PUM2: variants seen among roughly 807,000 people sequenced by gnomAD.
PUM2 encodes the protein pumilio homolog 2.
In PUM2, 57 loss-of-function variants were observed where a neutral mutation model predicts 124.5. That is an observed-to-expected ratio of 0.46 (90% confidence interval 0.37 to 0.57). The LOEUF (loss-of-function observed/expected upper bound fraction) is 0.57. Among genes scored for constraint, PUM2 ranks in the 20% least tolerant of loss-of-function variants. The pLI, the probability that PUM2 is intolerant of heterozygous loss-of-function variation, is 0.00. For synonymous variants in PUM2, 460 were observed against 446.1 expected (o/e 1.03, Z -0.39); for missense variants, 1,065 against 1,290.6 (o/e 0.83, Z 2.68).
chr2:20,290,427 C>T (rs1673753122), intron 10 of PUM2, among the ~76,000 whole-genome samples: 1 of 150,188 alleles, frequency 6.7e-6, no homozygotes, highest in Non-Finnish European at 1.5e-5. Flanking sequence ...GTTGAGAATT[C>T]TGATACATAT....
At chr2:20,321,091 T>C (rs1018279579) in intron 2 of PUM2, among the ~76,000 whole-genome samples, 1 of 152,176 alleles carries the variant, frequency 6.6e-6, no homozygotes, top group Non-Finnish European at 1.5e-5. Context: ...TTGAGACTAT[T>C]CTGAAGTCTT....
At chr2:20,294,277 C>A (rs904073411) in intron 9 of PUM2, 99 bp downstream of exon 9, 2 of 1,371,132 alleles carry the variant, frequency 1.5e-6, no homozygotes, top group Non-Finnish European at 2.0e-6. Context: ...TCGTGTTACA[C>A]AGTGAGGAAA....
At chr2:20,285,980 C>T (rs1672626343) in intron 10 of PUM2, among the ~76,000 whole-genome samples, 1 of 152,030 alleles carries the variant, frequency 6.6e-6, no homozygotes, top group Non-Finnish European at 1.5e-5. Flanking sequence ...AGGAAGGCAT[C>T]TCCAAATAGA....
chr2:20,334,676 C>T (rs1232998965), intron 1 of PUM2, among the ~76,000 whole-genome samples: 1 of 152,110 alleles, frequency 6.6e-6, no homozygotes, highest in African/African-American at 2.4e-5. Context: ...ACATACAATG[C>T]TTATTTTAAC....
chr2:20,311,154 GA>G lies in PUM2; in HGVS notation c.518+339del, dbSNP rs879592312. Among the ~76,000 whole-genome samples the G allele has an allele frequency of 7.4e-3, 1,064 of 144,692 alleles. 8 individuals are homozygous for G. Among genetic ancestry groups the G allele is most frequent in the African/African-American group, 0.024 (946 of 39,912 alleles). The allele number at this position is 144,692 out of a possible 152,430, so 94.9% of individuals were successfully genotyped here. A position where few individuals can be genotyped will look rare whatever the true frequency, so the allele number is the denominator to read the frequency against. On this transcript the variant is annotated intron_variant, in intron 5 of 20. Coordinates refer to ENST00000361078, the MANE Select transcript of PUM2 (RefSeq NM_015317.5). ...GTGCTCAAAAGCACTCCCAAGAGGG[GA>G]AAAAAAAAAATCAGAGTAAACCTAC...
chr2:20,256,714 G>A (rs1664856082), intron 16 of PUM2, among the ~76,000 whole-genome samples: 1 of 152,080 alleles, frequency 6.6e-6, no homozygotes, highest in African/African-American at 2.4e-5. Context: ...AAGAATTAAT[G>A]TCAGGTATCT....
chr2:20,295,743 C>G (rs1225099467), intron 8 of PUM2, among the ~76,000 whole-genome samples: 3 of 152,072 alleles, frequency 2.0e-5, no homozygotes, highest in African/African-American at 4.8e-5. Context: ...TCCAACCTAG[C>G]CAGGAGCCTG....
intron 15 of PUM2, 25 bp downstream of exon 15, chr2:20,260,303 ATGGGCGGAT>A: frequency 1.3e-6 from 2 of 1,575,942 alleles, no homozygotes; most frequent in Non-Finnish European, 1.7e-6. Context: ...CAACAGCTGG[ATGGGCGGAT>A]ATACAAATAT....
Position 20,297,598 on chromosome 2 carries a change from C to T in PUM2, c.964G>A (p.Asp322Asn), listed in dbSNP as rs1397399599. Residue 322 changes from aspartate (D) to asparagine (N), a missense_variant, in exon 8 of 21, where the codon GAT becomes AAT. By Grantham distance (23) the Asp-to-Asn change is conservative. Coordinates refer to ENST00000361078, the MANE Select transcript of PUM2 (RefSeq NM_015317.5). ...YIISAAPPGT[D>N]PYTAAGLAAA... Reference sequence around the variant, plus strand: ...GCCAATCCTGCTGCAGTATACGGATCGGTCCCTGGAGGAGCAGCACTAATA... The same window carrying T: ...GCCAATCCTGCTGCAGTATACGGATTGGTCCCTGGAGGAGCAGCACTAATA... 8 of 1,613,182 alleles carry T rather than the reference C, an allele frequency of 5.0e-6. No homozygotes were observed. The highest frequency in any genetic ancestry group is 4.5e-5 in the East Asian group (2 of 44,858).
intron 9 of PUM2, among the ~76,000 whole-genome samples, chr2:20,292,152 G>A (rs1013005578): frequency 1.3e-5 from 2 of 150,916 alleles, no homozygotes; most frequent in South Asian, 2.1e-4. Context: ...TTTTGCTCCC[G>A]GCGCCACTGC....
intron 3 of PUM2, among the ~76,000 whole-genome samples, chr2:20,313,775 G>C (rs1337118268): frequency 1.4e-5 from 2 of 142,850 alleles, no homozygotes; most frequent in Admixed American, 1.5e-4. Context: ...GGTTGAAGCT[G>C]CAGTGAGCCA....
intron 1 of PUM2, among the ~76,000 whole-genome samples, chr2:20,344,461 AT>A (rs1247261257): frequency 6.6e-6 from 1 of 152,150 alleles, no homozygotes; most frequent in Non-Finnish European, 1.5e-5. Flanking sequence ...GGACACCATG[AT>A]TGTCTATATC....
At chr2:20,252,830 G>T (rs1048433864) in intron 20 of PUM2, among the ~76,000 whole-genome samples, 1 of 152,228 alleles carries the variant, frequency 6.6e-6, no homozygotes, top group East Asian at 1.9e-4. Flanking sequence ...AATGTAGTTT[G>T]CCATCTGCAT....
chr2:20,328,602 T>G (rs754599279), intron 1 of PUM2, among the ~76,000 whole-genome samples: 2 of 151,932 alleles, frequency 1.3e-5, no homozygotes, highest in Non-Finnish European at 2.9e-5. Flanking sequence ...TCCTAAGGAA[T>G]GAACAAATGC....
intron 8 of PUM2, among the ~76,000 whole-genome samples, chr2:20,296,934 G>C (rs1488595700): frequency 6.6e-6 from 1 of 151,954 alleles, no homozygotes; most frequent in Non-Finnish European, 1.5e-5. Flanking sequence ...CTGTCACCCA[G>C]GCCAGGCGCT....
intron 2 of PUM2, among the ~76,000 whole-genome samples, chr2:20,323,908 C>CAA (rs397984008): frequency 5.1e-5 from 3 of 58,436 alleles, no homozygotes; most frequent in East Asian, 6.9e-4. Flanking sequence ...TACGGACTAG[C>CAA]AAAAAAAAAA....
intron 1 of PUM2, among the ~76,000 whole-genome samples, chr2:20,341,135 T>C (rs750536160): frequency 3.9e-5 from 6 of 152,080 alleles, no homozygotes; most frequent in Admixed American, 2.0e-4. Context: ...GTAGGCAACA[T>C]AGCAGGGGCC....
chr2:20,251,889 C>T (rs1663449069), intron 20 of PUM2, among the ~76,000 whole-genome samples, 173 bp from the exon 21 acceptor site: 1 of 152,204 alleles, frequency 6.6e-6, no homozygotes, highest in African/African-American at 2.4e-5. Flanking sequence ...TCCCTCCAAA[C>T]ATCTGTTCTC....
chr2:20,296,261 C>T (rs1675508052), intron 8 of PUM2, among the ~76,000 whole-genome samples: 1 of 152,092 alleles, frequency 6.6e-6, no homozygotes, highest in Non-Finnish European at 1.5e-5. Context: ...TTTGGGAGGC[C>T]GAGGCAGGCG....
Sources: gnomAD v4.1 joint callset for allele counts (sites outside exome capture counted in the v4.1 genomes callset) on GRCh38, gnomAD v4.1.1 for gene constraint, MANE v1.5 for transcripts, NCBI Gene and HGNC (gene_info 2026-07-23, HGNC 2026-07-21) for gene names.